CTNNA2: variants seen among roughly 807,000 people sequenced by gnomAD.
CTNNA2 encodes the protein catenin alpha 2.
In CTNNA2, 42 loss-of-function variants were observed where a neutral mutation model predicts 101.0. The ratio of observed to expected loss-of-function variants is 0.42; its 90% CI spans 0.32 to 0.54. CTNNA2 has a LOEUF of 0.54. CTNNA2 is among the 20% of genes least tolerant of loss of function. The probability of loss-of-function intolerance (pLI) is 0.14; values close to 1 mark genes in which losing one functional copy is unlikely to be tolerated. For synonymous variants in CTNNA2, 450 were observed against 456.4 expected (o/e 0.99, Z 0.18); for missense variants, 871 against 1,223.1 (o/e 0.71, Z 4.29).
At position 80,492,021 on chromosome 2, in the gene CTNNA2, G is replaced by T. The variant is rs530095904; in HGVS notation, c.1291-52961G>T. On this transcript the variant is annotated intron_variant, in intron 9 of 18. Coordinates refer to ENST00000402739, the MANE Select transcript of CTNNA2 (RefSeq NM_001282597.3). ...CAGGTCCTCACACTATTTTTTGTCT[G>T]GGAATGGAATTAGATGGTGATATGG... Among the ~76,000 whole-genome samples the T allele has an allele frequency of 4.6e-5, 7 of 152,178 alleles. No individual in the cohort carries two copies. The East Asian group carries it at 1.4e-3, about 29-fold the overall frequency.
At chr2:80,640,499 C>T (rs1673347898) in intron 18 of CTNNA2, among the ~76,000 whole-genome samples, 1 of 152,156 alleles carries the variant, frequency 6.6e-6, no homozygotes, top group African/African-American at 2.4e-5. Context: ...TTAGGCTGAA[C>T]CTTTTCACCA....
At chr2:79,834,167 TAA>T (rs1027859817) in intron 3 of CTNNA2, among the ~76,000 whole-genome samples, 10 of 152,200 alleles carry the variant, frequency 6.6e-5, no homozygotes, top group African/African-American at 2.4e-4. Context: ...GTGTAAGTTC[TAA>T]GAGTTAACCT....
intron 7 of CTNNA2, among the ~76,000 whole-genome samples, chr2:80,191,786 C>G (rs1227938834): frequency 2.6e-5 from 4 of 152,140 alleles, no homozygotes; most frequent in Admixed American, 2.6e-4. Context: ...ATGGTGACTA[C>G]ATGGATACTG....
intron 3 of CTNNA2, among the ~76,000 whole-genome samples, chr2:79,334,016 A>G (rs1025764761): frequency 6.6e-6 from 1 of 152,278 alleles, no homozygotes. Flanking sequence ...CATTTATACA[A>G]TGTGTAATGA....
At chr2:79,295,373 A>G (rs1056038471) in intron 2 of CTNNA2, among the ~76,000 whole-genome samples, 20 of 152,188 alleles carry the variant, frequency 1.3e-4, no homozygotes, top group African/African-American at 4.6e-4. Context: ...TGTTAATAAA[A>G]TTCAAATTAA....
chr2:80,075,007 G>A (rs763896970), intron 7 of CTNNA2, among the ~76,000 whole-genome samples: 4 of 151,952 alleles, frequency 2.6e-5, no homozygotes, highest in Non-Finnish European at 5.9e-5. Flanking sequence ...ACCTTGATTC[G>A]TTTCTATTAG....
At chr2:80,013,916 G>C (rs1693957095) in intron 7 of CTNNA2, among the ~76,000 whole-genome samples, 1 of 152,166 alleles carries the variant, frequency 6.6e-6, no homozygotes, top group Admixed American at 6.5e-5. Context: ...ACCAGGTCTA[G>C]GAGGGCTTCT....
intron 7 of CTNNA2, among the ~76,000 whole-genome samples, chr2:80,070,331 AG>A (rs1698247729): frequency 6.6e-6 from 1 of 152,196 alleles, no homozygotes; most frequent in Non-Finnish European, 1.5e-5. Flanking sequence ...GTGAGTGAGA[AG>A]TGTATTAGTT....
chr2:80,064,662 C>T (rs1297217436), intron 7 of CTNNA2, among the ~76,000 whole-genome samples: 1 of 152,156 alleles, frequency 6.6e-6, no homozygotes, highest in Non-Finnish European at 1.5e-5. Flanking sequence ...ATGTGGTTTC[C>T]ACACCAGGGT....
chr2:80,034,597 G>A (rs530114115), intron 7 of CTNNA2, among the ~76,000 whole-genome samples: 28 of 152,084 alleles, frequency 1.8e-4, no homozygotes, highest in Admixed American at 5.2e-4. Context: ...CAGGTGATCC[G>A]CCCGCTTCTG....
At chr2:80,644,802 G>T (rs945883293) in intron 18 of CTNNA2, among the ~76,000 whole-genome samples, 2 of 152,120 alleles carry the variant, frequency 1.3e-5, no homozygotes, top group Admixed American at 6.5e-5. Context: ...TTAGCAGGTG[G>T]CTTGAATAAA....
rs914553384 is a variant in CTNNA2, at chr2:80,574,228, C to G, written c.1807C>G (p.Pro603Ala). The G allele has an allele frequency of 1.2e-5, 19 of 1,613,538 alleles. No individual in the cohort carries two copies. In the South Asian group the frequency reaches 1.2e-4, roughly 10 times the overall value. Residue 603 changes from proline (P) to alanine (A), a missense_variant, in exon 13 of 19, where the codon CCG (proline) becomes GCG (alanine). Around this residue, in one of 5 missense-constraint regions of CTNNA2, gnomAD observed 647 missense variants for 831.5 expected, o/e 0.78. Transcript: ENST00000402739. Reference protein sequence around the residue: ...IEALSANVPQPFEENEFIDAS... With the variant: ...IEALSANVPQAFEENEFIDAS... ...AGCCCTGAGTGCCAACGTTCCTCAA[C>G]CGTTTGAGGAGAATGAGTTCATCGA...
At chr2:79,202,887 G>T (rs1387528975) in intron 2 of CTNNA2, among the ~76,000 whole-genome samples, 5 of 152,164 alleles carry the variant, frequency 3.3e-5, no homozygotes, top group Non-Finnish European at 7.3e-5. Flanking sequence ...GGGTGCAGTT[G>T]CTTTTAACAA....
chr2:79,755,708 C>T (rs1269299763), intron 3 of CTNNA2, among the ~76,000 whole-genome samples: 1 of 152,114 alleles, frequency 6.6e-6, no homozygotes, highest in Non-Finnish European at 1.5e-5. Context: ...TCTTATGCTT[C>T]TAAAGTTTGA....
At chr2:79,979,072 C>G (rs1024940432) in intron 7 of CTNNA2, among the ~76,000 whole-genome samples, 1 of 152,128 alleles carries the variant, frequency 6.6e-6, no homozygotes, top group African/African-American at 2.4e-5. Flanking sequence ...GGGAATCACA[C>G]TCTTGGATGA....
intron 4 of CTNNA2, among the ~76,000 whole-genome samples, chr2:79,384,265 T>A (rs1165230203): frequency 6.6e-6 from 1 of 152,226 alleles, no homozygotes; most frequent in Non-Finnish European, 1.5e-5. Flanking sequence ...AAGTAACTAC[T>A]GAATCTTCTA....
intron 3 of CTNNA2, among the ~76,000 whole-genome samples, chr2:79,363,297 C>G (rs1053331804): frequency 1.3e-5 from 2 of 152,136 alleles, no homozygotes; most frequent in African/African-American, 4.8e-5. Flanking sequence ...TTTGAGGACA[C>G]TAATCCCATT....
intron 3 of CTNNA2, among the ~76,000 whole-genome samples, chr2:79,823,159 T>C (rs144195501): frequency 4.5e-4 from 68 of 152,340 alleles, no homozygotes; most frequent in Middle Eastern, 3.4e-3. Flanking sequence ...TTTTATTTGC[T>C]TTCTGGCTTC....
chr2:79,964,196 T>C (rs77060222), intron 7 of CTNNA2, among the ~76,000 whole-genome samples: 2,829 of 152,286 alleles, frequency 0.019, 95 homozygotes, highest in African/African-American at 0.059. Flanking sequence ...TTGATCTTAT[T>C]GAAGGGGAAG....
Sources: gnomAD v4.1 joint callset for allele counts (sites outside exome capture counted in the v4.1 genomes callset) on GRCh38, gnomAD v4.1.1 for gene constraint, gnomAD v4.1.1 regional missense constraint, MANE v1.5 for transcripts, NCBI Gene and HGNC (gene_info 2026-07-23, HGNC 2026-07-21) for gene names.